Variants in CSMD3 observed in about 807,000 individuals in gnomAD.
CSMD3 encodes the protein CUB and sushi domain-containing protein 3.
In CSMD3, 177 loss-of-function variants were observed where a neutral mutation model predicts 435.2. The observed-to-expected ratio is 0.41, with a 90% confidence interval of 0.36 to 0.46. CSMD3 has a LOEUF of 0.46. Ranked by LOEUF, CSMD3 falls within the 20% of genes least tolerant of loss-of-function variation. CSMD3 has a pLI of 0.34. For missense variants in CSMD3, 4,265 were observed against 4,504.6 expected, an observed-to-expected ratio of 0.95 and a Z score of 1.52; for synonymous variants, 1,656 against 1,520.5, an observed-to-expected ratio of 1.09 and a Z score of -2.07.
intron 13 of CSMD3, among the ~76,000 whole-genome samples, chr8:112,713,940 G>GA (rs142594921): frequency 0.38 from 57,369 of 151,822 alleles, 12,159 homozygotes; most frequent in African/African-American, 0.58. Context: ...AATAGTGGAA[G>GA]AAAAACCAGT....
chr8:113,407,679 T>G (rs2094538839), intron 1 of CSMD3, among the ~76,000 whole-genome samples: 1 of 151,964 alleles, frequency 6.6e-6, no homozygotes, highest in African/African-American at 2.4e-5. Context: ...AATGTGAAAA[T>G]ACCAGTTGAC....
At chr8:112,245,072 A>G (rs949087961) in intron 64 of CSMD3, among the ~76,000 whole-genome samples, 1 of 152,072 alleles carries the variant, frequency 6.6e-6, no homozygotes, top group Non-Finnish European at 1.5e-5. Context: ...AACCACAGCT[A>G]ATTATATTGC....
chr8:112,476,776 C>G (rs1373682110), intron 31 of CSMD3, among the ~76,000 whole-genome samples: 1 of 152,110 alleles, frequency 6.6e-6, no homozygotes. Context: ...CTCTTGGCGT[C>G]CAACAAAGAA....
chr8:112,544,396 T>C (rs372142592), intron 27 of CSMD3, among the ~76,000 whole-genome samples: 95 of 152,276 alleles, frequency 6.2e-4, no homozygotes, highest in African/African-American at 2.1e-3. Flanking sequence ...TATTTTGGCA[T>C]ATATTAATAA....
chr8:112,972,554 A>C (rs2084695652), intron 7 of CSMD3, among the ~76,000 whole-genome samples: 1 of 151,986 alleles, frequency 6.6e-6, no homozygotes, highest in African/African-American at 2.4e-5. Flanking sequence ...GGATTAATGA[A>C]AATATTGTTG....
At chr8:112,366,881 A>C (rs1301975048) in intron 38 of CSMD3, among the ~76,000 whole-genome samples, 1 of 152,224 alleles carries the variant, frequency 6.6e-6, no homozygotes, top group Non-Finnish European at 1.5e-5. Flanking sequence ...CATTGCTTAC[A>C]AAAGTGTCTT....
At chr8:112,795,746 C>T (rs889789426) in intron 13 of CSMD3, among the ~76,000 whole-genome samples, 1 of 152,058 alleles carries the variant, frequency 6.6e-6, no homozygotes, top group African/African-American at 2.4e-5. Context: ...TTGTTTAAGC[C>T]ACAATTAGTT....
At chr8:112,821,668 T>C (rs1678984400) in intron 12 of CSMD3, among the ~76,000 whole-genome samples, 1 of 152,228 alleles carries the variant, frequency 6.6e-6, no homozygotes, top group Non-Finnish European at 1.5e-5. Flanking sequence ...ATCCCATTTG[T>C]CAATTTTGGC....
chr8:112,314,793 A>T lies in CSMD3; in HGVS notation c.7361-176T>A, dbSNP rs182027033. Among the ~76,000 whole-genome samples the T allele has an allele frequency of 1.7e-3, 256 of 152,170 alleles. 1 individual carries two copies. Among genetic ancestry groups the T allele is most frequent in the Non-Finnish European group, 2.5e-3 (171 of 67,910 alleles). Reference sequence around the variant, plus strand: ...TTATGATTCAAAAGCTGGAGGAATGACCTAAAAATTTATAGTATTGATTTA... The same window carrying T: ...TTATGATTCAAAAGCTGGAGGAATGTCCTAAAAATTTATAGTATTGATTTA... On this transcript the variant is annotated intron_variant, in intron 47 of 70. Transcript: ENST00000297405.
chr8:112,480,326 T>C (rs904257831), intron 31 of CSMD3, among the ~76,000 whole-genome samples: 2 of 152,174 alleles, frequency 1.3e-5, no homozygotes, highest in African/African-American at 4.8e-5. Context: ...ATGGAACTTA[T>C]GACTTTGGAT....
intron 12 of CSMD3, among the ~76,000 whole-genome samples, chr8:112,827,188 T>C (rs1587409628): frequency 7.8e-6 from 1 of 127,702 alleles, no homozygotes; most frequent in Non-Finnish European, 1.6e-5. Context: ...TATATATATA[T>C]ATATATATAT....
intron 11 of CSMD3, among the ~76,000 whole-genome samples, chr8:112,857,761 GA>G (rs1187838084): frequency 1.3e-5 from 2 of 149,778 alleles, no homozygotes; most frequent in Non-Finnish European, 3.0e-5. Context: ...AAAAGTGCTA[GA>G]AAAAAACTAC....
intron 3 of CSMD3, among the ~76,000 whole-genome samples, chr8:113,202,610 T>C (rs2092726386): frequency 6.6e-6 from 1 of 152,124 alleles, no homozygotes; most frequent in Non-Finnish European, 1.5e-5. Context: ...AAAAGCAATA[T>C]TATCTGCATT....
intron 10 of CSMD3, among the ~76,000 whole-genome samples, chr8:112,909,007 A>G (rs2082335734): frequency 6.6e-6 from 1 of 151,538 alleles, no homozygotes; most frequent in African/African-American, 2.4e-5. Flanking sequence ...TATGTTTTTT[A>G]TATCTAAAGG....
intron 5 of CSMD3, among the ~76,000 whole-genome samples, chr8:113,071,661 C>T (rs556675739): frequency 9.9e-4 from 150 of 151,774 alleles, no homozygotes; most frequent in Non-Finnish European, 1.8e-3. Context: ...CTATTCTGTT[C>T]CATTGTCTGT....
intron 1 of CSMD3, among the ~76,000 whole-genome samples, chr8:113,369,423 G>GA (rs984587243): frequency 6.6e-6 from 1 of 151,432 alleles, no homozygotes; most frequent in African/African-American, 2.4e-5. Context: ...GTAAGGATGT[G>GA]AAAAAAAAGG....
chr8:113,310,061 T>G (rs2093855557), intron 2 of CSMD3: 1 of 152,188 alleles, frequency 6.6e-6, no homozygotes, highest in Non-Finnish European at 1.5e-5. Flanking sequence ...TCCAAAGTGA[T>G]AGGCCATATC....
At chr8:113,175,334 ATTTAC>A (rs2092332004) in intron 3 of CSMD3, among the ~76,000 whole-genome samples, 1 of 151,854 alleles carries the variant, frequency 6.6e-6, no homozygotes, top group Non-Finnish European at 1.5e-5. Context: ...GAGAAAAAAT[ATTTAC>A]TTTGAGTTTT....
chr8:112,571,823 C>T (rs939580933), intron 24 of CSMD3, among the ~76,000 whole-genome samples: 1 of 149,888 alleles, frequency 6.7e-6, no homozygotes, highest in African/African-American at 2.5e-5. Context: ...AAGCAAAGAT[C>T]GCGCCATTGC....
Sources: gnomAD v4.1 joint callset for allele counts (sites outside exome capture counted in the v4.1 genomes callset) on GRCh38, gnomAD v4.1.1 for gene constraint, MANE v1.5 for transcripts, NCBI Gene and HGNC (gene_info 2026-07-23, HGNC 2026-07-21) for gene names.